The following FRMD4A variants were observed in gnomAD, a reference collection of about 807,000 sequenced individuals.
FRMD4A encodes the protein FERM domain containing 4A, also known as FERM domain-containing protein 4A.
Under a neutral mutation model 129.1 loss-of-function variants are expected in FRMD4A, and 29 were observed. That is an observed-to-expected ratio of 0.22 (90% CI 0.17 to 0.31). The LOEUF is 0.31. FRMD4A is among the 10% of genes least tolerant of loss of function. The probability of loss-of-function intolerance (pLI) is 1.00; values close to 1 mark genes in which losing one functional copy is unlikely to be tolerated. For synonymous variants in FRMD4A, 634 were observed against 571.6 expected (o/e 1.11, Z -1.56); for missense variants, 1,272 against 1,375.8 (o/e 0.92, Z 1.19).
chr10:13,652,244 C>G (rs1326814726), intron 23 of FRMD4A: 2 of 501,320 alleles, frequency 4.0e-6, no homozygotes, highest in East Asian at 3.5e-5. Context: ...TGCCAAGAAC[C>G]AAAATTGCTG....
rs1410699353 is a variant in FRMD4A at position 13,914,332 on chromosome 10, CA to C, written c.46-55421del. Among the ~76,000 whole-genome samples the C allele has an allele frequency of 3.9e-5, 6 of 152,290 alleles. No homozygotes were observed. The East Asian group carries it at 1.2e-3, about 29-fold the overall frequency. On this transcript the variant is annotated intron_variant, in intron 2 of 24. Transcript: ENST00000357447. The stretch of plus-strand genomic sequence containing the variant: ...AATGTCAATTTCTGAAATAATATAT[CA>C]AGTTATGAATAACGTATCCAATATG...
chr10:14,190,792 T>G (rs1321825994), intron 2 of FRMD4A, among the ~76,000 whole-genome samples: 4 of 152,232 alleles, frequency 2.6e-5, no homozygotes, highest in African/African-American at 9.6e-5. Flanking sequence ...AGGCAGTATT[T>G]TTTAATGGAA....
intron 12 of FRMD4A, among the ~76,000 whole-genome samples, chr10:13,715,574 A>C (rs2088699237): frequency 1.3e-5 from 2 of 152,128 alleles, no homozygotes; most frequent in Non-Finnish European, 2.9e-5. Context: ...ATATATGTTA[A>C]ATGCTTAAAA....
chr10:14,186,686 T>G (rs1252183997), intron 2 of FRMD4A, among the ~76,000 whole-genome samples: 1 of 152,090 alleles, frequency 6.6e-6, no homozygotes, highest in African/African-American at 2.4e-5. Context: ...TATCTTCATA[T>G]CCTCATGAGA....
chr10:13,819,171 G>T (rs1564853925), intron 3 of FRMD4A, among the ~76,000 whole-genome samples: 1 of 151,656 alleles, frequency 6.6e-6, no homozygotes, highest in African/African-American at 2.4e-5. Context: ...ACTCCATATA[G>T]TATCAAGTTC....
At chr10:13,995,399 A>G (rs2095618857) in intron 2 of FRMD4A, among the ~76,000 whole-genome samples, 1 of 152,216 alleles carries the variant, frequency 6.6e-6, no homozygotes, top group Admixed American at 6.5e-5. Context: ...AGCCTGGCCA[A>G]CATAATGAAA....
At chr10:13,782,838 C>G in intron 6 of FRMD4A, 84 bp downstream of exon 6, 1 of 771,342 alleles carries the variant, frequency 1.3e-6, no homozygotes, top group East Asian at 2.4e-5. Flanking sequence ...AATAAAATGG[C>G]CTAAGGGGTA....
At chr10:14,189,809 T>G (rs111489162) in intron 2 of FRMD4A, among the ~76,000 whole-genome samples, 1,743 of 152,314 alleles carry the variant, frequency 0.011, 33 homozygotes, top group African/African-American at 0.04. Flanking sequence ...TAGACAGATC[T>G]TAACTCAGCC....
At chr10:14,032,525 G>T (rs144467990) in intron 2 of FRMD4A, among the ~76,000 whole-genome samples, 1 of 152,152 alleles carries the variant, frequency 6.6e-6, no homozygotes, top group Non-Finnish European at 1.5e-5. Context: ...GTCTGTAAAC[G>T]GTGAACCGCA....
chr10:14,003,457 G>C (rs1413214745), intron 2 of FRMD4A: 2 of 152,272 alleles, frequency 1.3e-5, no homozygotes, highest in Non-Finnish European at 2.9e-5. Flanking sequence ...GTGGATATTA[G>C]AGATGATAAG....
intron 2 of FRMD4A, among the ~76,000 whole-genome samples, chr10:14,025,844 G>T (rs1413233899): frequency 6.6e-6 from 1 of 152,102 alleles, no homozygotes; most frequent in Admixed American, 6.5e-5. Flanking sequence ...TTCACCCACG[G>T]GGTAGCCTGT....
intron 3 of FRMD4A, among the ~76,000 whole-genome samples, chr10:13,852,733 T>C (rs1224757345): frequency 1.3e-5 from 2 of 152,000 alleles, no homozygotes; most frequent in Non-Finnish European, 2.9e-5. Flanking sequence ...GTGTGATTTA[T>C]GCTTGCACAC....
chr10:13,991,382 C>T (rs752560637), intron 2 of FRMD4A, among the ~76,000 whole-genome samples: 1 of 152,148 alleles, frequency 6.6e-6, no homozygotes, highest in Non-Finnish European at 1.5e-5. Context: ...AGGTGGGCAT[C>T]AGGCGCGGAG....
intron 2 of FRMD4A, among the ~76,000 whole-genome samples, chr10:13,928,955 G>T (rs1475120423): frequency 6.6e-6 from 1 of 152,188 alleles, no homozygotes; most frequent in African/African-American, 2.4e-5. Context: ...CCTCCAGTTT[G>T]TTCCAAACAT....
intron 2 of FRMD4A, among the ~76,000 whole-genome samples, chr10:14,074,997 T>C (rs1228620438): frequency 1.3e-5 from 2 of 152,192 alleles, no homozygotes; most frequent in Admixed American, 1.3e-4. Context: ...ACAGTCTATG[T>C]TTCATAGAGT....
At position 13,941,610 on chromosome 10, in the gene FRMD4A, C is replaced by T. The variant is rs549573535; in HGVS notation, c.46-82698G>A. On this transcript the variant is annotated intron_variant, in intron 2 of 24. Coordinates refer to ENST00000357447, the MANE Select transcript of FRMD4A (RefSeq NM_018027.5). ...GTTAACTAGAGGAGCTTTGGTGCTA[C>T]TTGGAGGCTTGAGCTGATAGAATTA... Among the ~76,000 whole-genome samples the T allele has an allele frequency of 5.3e-4, 80 of 152,270 alleles. 1 individual carries two copies. The highest frequency in any genetic ancestry group is 1.5e-4 in the Non-Finnish European group (10 of 68,012).
chr10:14,320,072 A>G (rs1033200429), intron 2 of FRMD4A, among the ~76,000 whole-genome samples: 4 of 151,814 alleles, frequency 2.6e-5, no homozygotes, highest in Non-Finnish European at 5.9e-5. Context: ...TCTTACTGTC[A>G]GCTCCGTGCC....
chr10:14,057,573 CTTTTTT>C (rs141521346), intron 2 of FRMD4A, among the ~76,000 whole-genome samples: 5 of 90,004 alleles, frequency 5.6e-5, no homozygotes, highest in African/African-American at 1.6e-4. Flanking sequence ...AATTTATAAT[CTTTTTT>C]TTTTTTTCGA....
intron 2 of FRMD4A, among the ~76,000 whole-genome samples, chr10:14,041,218 C>T (rs369383003): frequency 1.3e-5 from 2 of 152,178 alleles, no homozygotes; most frequent in African/African-American, 4.8e-5. Flanking sequence ...CTTCTGCTTT[C>T]TTCAAAGAAA....
Sources: allele counts gnomAD v4.1 joint callset (sites outside exome capture counted in the v4.1 genomes callset), GRCh38; gene constraint gnomAD v4.1.1; transcripts MANE v1.5; gene names NCBI Gene and HGNC (gene_info 2026-07-23, HGNC 2026-07-21).